FSTL5: variants seen among roughly 807,000 people sequenced by gnomAD.
FSTL5 encodes the protein follistatin like 5.
Under a neutral mutation model 89.1 loss-of-function variants are expected in FSTL5, and 62 were observed. That is an observed-to-expected ratio of 0.70 (90% CI 0.57 to 0.86). The LOEUF is 0.86. Ranked by LOEUF, FSTL5 falls within the 40% of genes least tolerant of loss-of-function variation. The probability of loss-of-function intolerance (pLI) is 0.00; values close to 1 mark genes in which losing one functional copy is unlikely to be tolerated. For synonymous variants in FSTL5, 383 were observed against 346.2 expected (o/e 1.11, Z -1.18); for missense variants, 1,057 against 1,001.6 (o/e 1.06, Z -0.75).
chr4:161,590,811 C>T (rs932080599), intron 7 of FSTL5, among the ~76,000 whole-genome samples: 1 of 152,142 alleles, frequency 6.6e-6, no homozygotes, highest in Non-Finnish European at 1.5e-5. Context: ...TTAAATGGTG[C>T]CTCTGCTTTG....
At chr4:161,958,795 T>C (rs141978407) in intron 3 of FSTL5, among the ~76,000 whole-genome samples, 141 of 152,258 alleles carry the variant, frequency 9.3e-4, no homozygotes, top group African/African-American at 3.0e-3. Context: ...GAGGAAAAGA[T>C]TGCTAACTTT....
At chr4:161,682,747 CT>C (rs1055527908) in intron 6 of FSTL5, among the ~76,000 whole-genome samples, 24 of 148,524 alleles carry the variant, frequency 1.6e-4, no homozygotes, top group African/African-American at 2.7e-4. Context: ...GTTAACTTTC[CT>C]TTTTTTTTTA....
intron 4 of FSTL5, among the ~76,000 whole-genome samples, chr4:161,897,748 T>C (rs971291694): frequency 6.6e-6 from 1 of 152,060 alleles, no homozygotes; most frequent in Non-Finnish European, 1.5e-5. Flanking sequence ...CTGTAGTTTA[T>C]GTTAAGGTCC....
chr4:162,155,429 G>T (rs978702786), intron 1 of FSTL5, among the ~76,000 whole-genome samples: 2 of 152,270 alleles, frequency 1.3e-5, no homozygotes, highest in East Asian at 3.9e-4. Context: ...AAACCTTGAC[G>T]GTGAGGTCCT....
rs140250497 is a variant in FSTL5, at chr4:162,070,269, G to A, written c.127-36611C>T. Among the ~76,000 whole-genome samples the A allele has an allele frequency of 3.4e-3, 509 of 151,848 alleles. 3 individuals are homozygous for A. The highest frequency in any genetic ancestry group is 0.011 in the African/African-American group (476 of 41,484). On this transcript the variant is annotated intron_variant, in intron 2 of 15. Transcript: ENST00000306100. ...CCTTGGATATTTTGGATATTAATTT[G>A]TTATTAGACAAACCCTTTGCAAGTG...
At chr4:161,728,422 C>T (rs1337255926) in intron 6 of FSTL5, among the ~76,000 whole-genome samples, 1 of 151,998 alleles carries the variant, frequency 6.6e-6, no homozygotes, top group Non-Finnish European at 1.5e-5. Flanking sequence ...ATATTAAGGG[C>T]TGTGCAAAGA....
At chr4:162,084,653 C>T (rs1466199492) in intron 2 of FSTL5, among the ~76,000 whole-genome samples, 1 of 152,044 alleles carries the variant, frequency 6.6e-6, no homozygotes, top group African/African-American at 2.4e-5. Context: ...AGCCATCATT[C>T]TTAGCAGAGT....
intron 4 of FSTL5, among the ~76,000 whole-genome samples, chr4:161,807,093 G>T (rs1729992171): frequency 7.7e-6 from 1 of 129,802 alleles, no homozygotes; most frequent in African/African-American, 2.8e-5. Context: ...TAAAAAATTG[G>T]GTCTGGATAC....
intron 4 of FSTL5, among the ~76,000 whole-genome samples, chr4:161,890,683 G>GT (rs1302370832): frequency 1.5e-4 from 9 of 59,032 alleles, no homozygotes; most frequent in South Asian, 7.7e-4. Flanking sequence ...GCAAGACTCT[G>GT]TCTAAAAAAA....
intron 3 of FSTL5, among the ~76,000 whole-genome samples, chr4:162,011,239 G>A (rs556280568): frequency 2.4e-4 from 37 of 152,104 alleles, no homozygotes; most frequent in African/African-American, 8.0e-4. Flanking sequence ...TCCTTTTATC[G>A]TCAAACCATT....
chr4:161,658,651 T>A (rs990007771), intron 6 of FSTL5, among the ~76,000 whole-genome samples: 3 of 152,178 alleles, frequency 2.0e-5, no homozygotes, highest in African/African-American at 7.2e-5. Flanking sequence ...TAAAAATTAT[T>A]CAATTAATTC....
intron 2 of FSTL5, among the ~76,000 whole-genome samples, chr4:162,058,423 CTTTTTTTT>C (rs764578152): frequency 8.9e-6 from 1 of 112,108 alleles, no homozygotes. Flanking sequence ...ATAAATTCCT[CTTTTTTTT>C]TTTTTTTTTT....
rs1733799164 is a variant in FSTL5 at position 162,163,988 on chromosome 4, T to A, written c.-390A>T. On this transcript the variant is annotated 5_prime_UTR_variant, in exon 1 of 16. Coordinates refer to ENST00000306100, the MANE Select transcript of FSTL5 (RefSeq NM_020116.5). ...GTACCAGCTCCTTTCACCTCCAGTT[T>A]GTCTCAGTCACTGAACCAGGCTGAT... 6.6e-6 allele frequency: 1 copy of A among 152,394 alleles called. No individual in the cohort carries two copies. The highest frequency in any genetic ancestry group is 6.5e-5 in the Admixed American group (1 of 15,284). The allele number at this position is 152,394 out of a possible 1,614,324, so 9.4% of individuals were successfully genotyped here.
At chr4:161,501,124 A>G (rs1420085449) in intron 11 of FSTL5, among the ~76,000 whole-genome samples, 1 of 152,180 alleles carries the variant, frequency 6.6e-6, no homozygotes, top group African/African-American at 2.4e-5. Context: ...CAGCAATAAT[A>G]TTAAAATCTT....
intron 1 of FSTL5, among the ~76,000 whole-genome samples, chr4:162,153,991 G>A (rs978811577): frequency 6.6e-6 from 1 of 151,258 alleles, no homozygotes; most frequent in Non-Finnish European, 1.5e-5. Flanking sequence ...ATTTTTAGTA[G>A]AGATGGGGTT....
intron 1 of FSTL5, among the ~76,000 whole-genome samples, chr4:162,122,159 G>T (rs1731894355): frequency 6.6e-6 from 1 of 151,962 alleles, no homozygotes; most frequent in Admixed American, 6.6e-5. Flanking sequence ...TGTCATTCAA[G>T]GGCTAACTTT....
intron 6 of FSTL5, among the ~76,000 whole-genome samples, chr4:161,662,936 G>A (rs1265634464): frequency 6.6e-6 from 1 of 152,150 alleles, no homozygotes; most frequent in Non-Finnish European, 1.5e-5. Context: ...ACGGCAGGAG[G>A]TGAAAGGCAC....
At chr4:161,933,832 A>T (rs1487605755) in intron 3 of FSTL5, among the ~76,000 whole-genome samples, 1 of 151,982 alleles carries the variant, frequency 6.6e-6, no homozygotes, top group African/African-American at 2.4e-5. Context: ...GTCTCCTTTT[A>T]GCTGATTTTT....
At chr4:161,724,133 C>A (rs1313298999) in intron 6 of FSTL5, among the ~76,000 whole-genome samples, 4 of 151,688 alleles carry the variant, frequency 2.6e-5, no homozygotes, top group Non-Finnish European at 5.9e-5. Context: ...TTTGATAATG[C>A]AAAAATCAAA....
Sources: allele counts gnomAD v4.1 joint callset (sites outside exome capture counted in the v4.1 genomes callset), GRCh38; gene constraint gnomAD v4.1.1; transcripts MANE v1.5; gene names NCBI Gene and HGNC (gene_info 2026-07-23, HGNC 2026-07-21).